ZNF569: variants seen among roughly 807,000 people sequenced by gnomAD.
ZNF569 encodes DNA-binding protein.
Under a neutral mutation model 56.3 loss-of-function variants are expected in ZNF569, and 38 were observed. That is an observed-to-expected ratio of 0.68 (90% confidence interval 0.52 to 0.88). The LOEUF (loss-of-function observed/expected upper bound fraction) is 0.88, where lower values mean the gene tolerates loss of function less well. Ranked by LOEUF, ZNF569 falls within the 40% of genes least tolerant of loss-of-function variation. ZNF569 has a pLI of 0.00. For synonymous variants in ZNF569, 241 were observed against 262.9 expected (o/e 0.92, Z 0.81); for missense variants, 666 against 809.2 (o/e 0.82, Z 2.15).
chr19:37,463,961 AAG>A (rs1193082110), intron 2 of ZNF569, among the ~76,000 whole-genome samples: 1 of 152,324 alleles, frequency 6.6e-6, no homozygotes, highest in East Asian at 1.9e-4. Context: ...ATTATTATAA[AAG>A]AGTAAAAAAG....
chr19:37,426,166 A>C, intron 4 of ZNF569, 86 bp downstream of exon 4: 1 of 1,464,232 alleles, frequency 6.8e-7, no homozygotes. Context: ...CTAATATTTA[A>C]AAGGTCCATG....
chr19:37,456,044 G>A (rs969533904), intron 2 of ZNF569, among the ~76,000 whole-genome samples: 4 of 152,068 alleles, frequency 2.6e-5, no homozygotes, highest in African/African-American at 9.7e-5. Flanking sequence ...TAATAATTTG[G>A]CTAACTGTAG....
At chr19:37,446,350 C>T (rs1379702734) in intron 2 of ZNF569, among the ~76,000 whole-genome samples, 1 of 151,930 alleles carries the variant, frequency 6.6e-6, no homozygotes, top group East Asian at 1.9e-4. Flanking sequence ...GAGATTGAGA[C>T]CATCCTGGCT....
intron 2 of ZNF569, among the ~76,000 whole-genome samples, chr19:37,453,393 G>A (rs2041625121): frequency 1.3e-5 from 2 of 152,256 alleles, no homozygotes; most frequent in East Asian, 1.9e-4. Flanking sequence ...TTGGGAAGGT[G>A]AGGAAGGGTC....
intron 2 of ZNF569, among the ~76,000 whole-genome samples, chr19:37,450,988 T>A (rs1334348811): frequency 6.6e-6 from 1 of 152,240 alleles, no homozygotes; most frequent in African/African-American, 2.4e-5. Flanking sequence ...ATATTTGGTA[T>A]GATTTAGATA....
intron 3 of ZNF569, among the ~76,000 whole-genome samples, chr19:37,434,587 G>A (rs1374998812): frequency 3.9e-5 from 6 of 152,104 alleles, no homozygotes; most frequent in Non-Finnish European, 5.9e-5. Context: ...GCTACTCGGT[G>A]TCAAGCCTCT....
chr19:37,454,444 G>A (rs1019494), intron 2 of ZNF569, among the ~76,000 whole-genome samples: 148,769 of 152,160 alleles, frequency 0.98, 73,149 homozygotes, highest in Middle Eastern at 1. Context: ...TGCTCTTGCC[G>A]CTCTGCCAGC....
At chr19:37,451,355 G>A (rs568554146) in intron 2 of ZNF569, among the ~76,000 whole-genome samples, 77 of 149,796 alleles carry the variant, frequency 5.1e-4, no homozygotes, top group Non-Finnish European at 9.6e-4. Context: ...AGCCGAGATC[G>A]TGCCACTGCA....
chr19:37,458,250 G>A (rs1405892126), intron 2 of ZNF569, among the ~76,000 whole-genome samples: 1 of 152,104 alleles, frequency 6.6e-6, no homozygotes, highest in Admixed American at 6.5e-5. Context: ...GTGCTTGTTT[G>A]TTACATGAGT....
chr19:37,469,026 T>C, upstream of ZNF569: 1 of 986,742 alleles, frequency 1.0e-6, no homozygotes, highest in Non-Finnish European at 1.2e-6. Context: ...CCGCCCTGGT[T>C]GCTAAGGGAG....
intron 3 of ZNF569, among the ~76,000 whole-genome samples, chr19:37,438,426 A>G (rs1351335975): frequency 6.6e-6 from 1 of 152,104 alleles, no homozygotes; most frequent in Non-Finnish European, 1.5e-5. Flanking sequence ...AGACACAAAG[A>G]CCAATGGAAC....
chr19:37,421,743 CTTTTTTTT>C (rs748058159), intron 5 of ZNF569, among the ~76,000 whole-genome samples: 84 of 79,700 alleles, frequency 1.1e-3, no homozygotes, highest in Non-Finnish European at 1.4e-3. Context: ...TGTAGTGGCA[CTTTTTTTT>C]TTTTTTTTTT....
intron 2 of ZNF569, among the ~76,000 whole-genome samples, chr19:37,463,981 A>C (rs1315711681): frequency 2.0e-5 from 3 of 152,188 alleles, no homozygotes; most frequent in Admixed American, 6.5e-5. Flanking sequence ...AAGTTTAAAA[A>C]ATTTAAAAGT....
intron 2 of ZNF569, among the ~76,000 whole-genome samples, chr19:37,449,707 T>C (rs1404064465): frequency 6.6e-6 from 1 of 152,010 alleles, no homozygotes; most frequent in East Asian, 1.9e-4. Context: ...TTTAATATAC[T>C]TATTTATCTT....
intron 2 of ZNF569, 77 bp downstream of exon 2, chr19:37,465,236 T>C (rs567458136): frequency 6.6e-6 from 1 of 152,256 alleles, no homozygotes; most frequent in Non-Finnish European, 1.5e-5. Context: ...CTATCTCTAG[T>C]TCTAAATATC....
Position 37,414,286 on chromosome 19 carries a change from A to AGGG in ZNF569, c.371_372insCCC (p.Pro124dup). 1 of 1,613,724 alleles carries AGGG rather than the reference A, an allele frequency of 6.2e-7. No homozygotes were observed. The highest frequency in any genetic ancestry group is 8.5e-7 in the Non-Finnish European group (1 of 1,179,806). On this transcript the variant is annotated inframe_insertion, in exon 6 of 6. Transcript: ENST00000316950. Reference sequence around the variant, plus strand: ...TGGAAGGGAAAAAATCAGAGTTCAGAGGAAATACATTTGCAAATTTCTTTT... The same window carrying AGGG: ...TGGAAGGGAAAAAATCAGAGTTCAGAGGGGGAAATACATTTGCAAATTTCTTTT...
chr19:37,455,753 C>T (rs2041661311), intron 2 of ZNF569, among the ~76,000 whole-genome samples: 1 of 152,118 alleles, frequency 6.6e-6, no homozygotes, highest in African/African-American at 2.4e-5. Flanking sequence ...GGTCCTACCA[C>T]ACCACTTTGC....
intron 5 of ZNF569, among the ~76,000 whole-genome samples, chr19:37,419,287 TA>T: frequency 6.6e-6 from 1 of 152,262 alleles, no homozygotes; most frequent in African/African-American, 2.4e-5. Context: ...ACAACGAATA[TA>T]CAAAAAGATA....
chr19:37,466,745 T>G (rs1298861440), intron 1 of ZNF569: 1 of 152,312 alleles, frequency 6.6e-6, no homozygotes, highest in Non-Finnish European at 1.5e-5. Flanking sequence ...CTACCTTGTA[T>G]CCACAGTTTT....
Sources: allele counts gnomAD v4.1 joint callset (sites outside exome capture counted in the v4.1 genomes callset), GRCh38; gene constraint gnomAD v4.1.1; transcripts MANE v1.5; gene names NCBI Gene and HGNC (gene_info 2026-07-23, HGNC 2026-07-21).